The following AGBL4 variants were observed in gnomAD, a reference collection of about 807,000 sequenced individuals.
AGBL4 encodes the protein AGBL carboxypeptidase 4.
AGBL4 carries 58 observed loss-of-function variants against 66.4 expected under a neutral mutation model. The observed-to-expected ratio is 0.87, with a 90% CI of 0.71 to 1.09. The LOEUF is 1.09. Ranked by LOEUF, AGBL4 falls within the 50% of genes least tolerant of loss-of-function variation. AGBL4 has a pLI of 0.00. For missense variants in AGBL4, 579 were observed against 631.0 expected (o/e 0.92, Z 0.88); for synonymous variants, 234 against 222.9 (o/e 1.05, Z -0.44).
At chr1:48,961,813 C>G (rs562103438) in intron 5 of AGBL4, among the ~76,000 whole-genome samples, 1 of 152,330 alleles carries the variant, frequency 6.6e-6, no homozygotes, top group Admixed American at 6.5e-5. Context: ...AGGCCTGGGT[C>G]TCTGCCCTAC....
At chr1:49,072,285 T>G (rs574266240) in intron 4 of AGBL4, among the ~76,000 whole-genome samples, 1 of 152,298 alleles carries the variant, frequency 6.6e-6, no homozygotes, top group South Asian at 2.1e-4. Context: ...ATCCTGTCAT[T>G]ATGATGTTAG....
intron 3 of AGBL4, among the ~76,000 whole-genome samples, chr1:49,366,135 C>T (rs1644237214): frequency 6.6e-6 from 1 of 152,084 alleles, no homozygotes; most frequent in South Asian, 2.1e-4. Context: ...ATCATTGCTT[C>T]TAGGCGATTT....
intron 2 of AGBL4, among the ~76,000 whole-genome samples, chr1:49,840,327 A>C (rs902241535): frequency 6.6e-6 from 1 of 152,092 alleles, no homozygotes; most frequent in Non-Finnish European, 1.5e-5. Context: ...TGTATTTGTC[A>C]TTCCTGATTG....
chr1:49,738,100 G>T (rs1200637042), intron 2 of AGBL4, among the ~76,000 whole-genome samples: 1 of 152,226 alleles, frequency 6.6e-6, no homozygotes, highest in Non-Finnish European at 1.5e-5. Context: ...AGCCGAAGCA[G>T]GGCGAGGAAT....
At chr1:49,271,242 A>AATAG (rs1316354794) in intron 3 of AGBL4, among the ~76,000 whole-genome samples, 1 of 152,136 alleles carries the variant, frequency 6.6e-6, no homozygotes, top group African/African-American at 2.4e-5. Context: ...GGACTTTGTG[A>AATAG]ATAGATGGTC....
chr1:48,827,037 A>C (rs1429955512), intron 6 of AGBL4, among the ~76,000 whole-genome samples: 2 of 152,310 alleles, frequency 1.3e-5, no homozygotes, highest in East Asian at 1.9e-4. Context: ...AAACAAGTCA[A>C]GATCTTGTTT....
At chr1:48,590,481 G>T (rs1195288857) in intron 10 of AGBL4, among the ~76,000 whole-genome samples, 2 of 151,700 alleles carry the variant, frequency 1.3e-5, no homozygotes, top group Non-Finnish European at 2.9e-5. Context: ...ACTTGATCTT[G>T]GGAGATAGAG....
rs1024283178 is a variant in AGBL4, at chr1:49,464,125, G to A, written c.283-218261C>T. 4.0e-5 allele frequency among the ~76,000 whole-genome samples: 6 copies of A among 151,674 alleles called. No individual in the cohort carries two copies. In the South Asian group the frequency reaches 1.2e-3, roughly 31 times the overall value. The stretch of plus-strand genomic sequence containing the variant: ...TAATGTCCTGAGTACATAACAGAGG[G>A]AAACTGTGGAACTCTGCAAAACTGA... On this transcript the variant is annotated intron_variant, in intron 3 of 13. Transcript: ENST00000371839.
chr1:49,123,232 G>T (rs546007388), intron 4 of AGBL4, among the ~76,000 whole-genome samples: 7 of 152,196 alleles, frequency 4.6e-5, no homozygotes, highest in African/African-American at 1.4e-4. Flanking sequence ...TCCATTTGAG[G>T]CTATTATTAC....
At chr1:49,235,245 T>A (rs1650634927) in intron 4 of AGBL4, among the ~76,000 whole-genome samples, 1 of 152,188 alleles carries the variant, frequency 6.6e-6, no homozygotes, top group Admixed American at 6.5e-5. Flanking sequence ...GTTTTCTCAC[T>A]CATGTTCTGG....
chr1:48,620,548 C>A lies in AGBL4; in HGVS notation c.951+13945G>T, dbSNP rs369490309. Among the ~76,000 whole-genome samples, 16 of 152,306 alleles carry A rather than the reference C, an allele frequency of 1.1e-4. No homozygotes were observed. The South Asian group carries it at 3.3e-3, about 32-fold the overall frequency. Reference sequence around the variant, plus strand: ...AAAGTGCTGGGATTATAGGCAAGAGCCACCATGCCTGGCCCAGTCTGTCTT... The same window carrying A: ...AAAGTGCTGGGATTATAGGCAAGAGACACCATGCCTGGCCCAGTCTGTCTT... On this transcript the variant is annotated intron_variant, in intron 9 of 13. Coordinates refer to ENST00000371839, the MANE Select transcript of AGBL4 (RefSeq NM_032785.4).
chr1:49,696,134 A>C (rs1646979064), intron 3 of AGBL4, among the ~76,000 whole-genome samples: 1 of 152,152 alleles, frequency 6.6e-6, no homozygotes, highest in South Asian at 2.1e-4. Context: ...TAGATGTTGG[A>C]TTGCAGGACT....
intron 3 of AGBL4, among the ~76,000 whole-genome samples, chr1:49,333,746 T>C (rs898166237): frequency 6.6e-6 from 1 of 152,176 alleles, no homozygotes; most frequent in Non-Finnish European, 1.5e-5. Context: ...ACTGGGTTTT[T>C]CAAGGCCAGG....
rs1489519199 is a variant in AGBL4, at chr1:49,603,931, C to T, written c.282+93382G>A. Among the ~76,000 whole-genome samples, 6 of 2,372 alleles carry T rather than the reference C, an allele frequency of 2.5e-3. No homozygotes were observed. The African/African-American group carries it at 0.03, about 12-fold the overall frequency. 1.6% of individuals were successfully genotyped at this position (2,372 alleles called of 152,430 possible). On this transcript the variant is annotated intron_variant, in intron 3 of 13. Coordinates refer to ENST00000371839, the MANE Select transcript of AGBL4 (RefSeq NM_032785.4). ...CAGGTGATTAGTATTCCATGGTATA[C>T]ACACACACACACACACACACACACA...
At chr1:49,955,816 A>G (rs532552305) in intron 1 of AGBL4, among the ~76,000 whole-genome samples, 1 of 151,936 alleles carries the variant, frequency 6.6e-6, no homozygotes, top group East Asian at 1.9e-4. Flanking sequence ...AAAAAAGTAC[A>G]ATGCAATCAC....
intron 1 of AGBL4, among the ~76,000 whole-genome samples, chr1:50,011,473 G>C (rs1169813800): frequency 1.3e-5 from 2 of 152,148 alleles, no homozygotes; most frequent in Non-Finnish European, 2.9e-5. Flanking sequence ...GAAGCGTTTG[G>C]AGGTTCCTCA....
intron 3 of AGBL4, among the ~76,000 whole-genome samples, chr1:49,595,280 G>A (rs559126678): frequency 1.3e-5 from 2 of 151,948 alleles, no homozygotes; most frequent in Non-Finnish European, 1.5e-5. Flanking sequence ...TAGTAGAGAC[G>A]GGGTTTCACA....
Position 49,844,607 on chromosome 1 carries a change from C to A in AGBL4, c.157+6789G>T, listed in dbSNP as rs1395193313. 4.5e-6 allele frequency: 6 copies of A among 1,343,936 alleles called. No individual in the cohort carries two copies. In the Admixed American group the frequency reaches 1.4e-4, roughly 32 times the overall value. The allele number at this position is 1,343,936 out of a possible 1,614,324, so 83.3% of individuals were successfully genotyped here. ...TTGAACATTTCAAAATCATTAGTTT[C>A]ATCCTTCCTCTTCCCATCTCACCAC... is the stretch of plus-strand genomic sequence containing the variant. On this transcript the variant is annotated intron_variant, in intron 2 of 13. Coordinates refer to ENST00000371839, the MANE Select transcript of AGBL4 (RefSeq NM_032785.4).
intron 9 of AGBL4, among the ~76,000 whole-genome samples, chr1:48,616,287 C>T (rs2148388472): frequency 6.6e-6 from 1 of 152,286 alleles, no homozygotes; most frequent in South Asian, 2.1e-4. Context: ...CACCAGGTTA[C>T]ACCATGCCCT....
Sources: allele counts gnomAD v4.1 joint callset (sites outside exome capture counted in the v4.1 genomes callset), GRCh38; gene constraint gnomAD v4.1.1; transcripts MANE v1.5; gene names NCBI Gene and HGNC (gene_info 2026-07-23, HGNC 2026-07-21).